The following RBPMS variants were observed in gnomAD, a reference collection of about 807,000 sequenced individuals.
The protein encoded by RBPMS is RNA binding protein, mRNA processing factor, also known as RNA-binding protein with multiple splicing.
Under a neutral mutation model 26.8 loss-of-function variants are expected in RBPMS, and 7 were observed. The observed-to-expected ratio is 0.26, with a 90% confidence interval of 0.15 to 0.49. The LOEUF is 0.49. Ranked by LOEUF, RBPMS falls within the 20% of genes least tolerant of loss-of-function variation. The probability of loss-of-function intolerance (pLI) is 0.98; values close to 1 mark genes in which losing one functional copy is unlikely to be tolerated. For synonymous variants in RBPMS, 96 were observed against 93.3 expected (o/e 1.03, Z -0.17); for missense variants, 186 against 250.0 (o/e 0.74, Z 1.73).
chr8:30,547,654 TTCCTGGAGAGGCCAGG>T (rs1428502049), intron 6 of RBPMS: 163 of 482,598 alleles, frequency 3.4e-4, no homozygotes, highest in African/African-American at 2.9e-3. Context: ...CAGAACGAGC[TTCCTGGAGAGGCCAGG>T]TCCTGGAGCC....
At chr8:30,409,692 G>A (rs1034776116) in intron 1 of RBPMS, among the ~76,000 whole-genome samples, 8 of 152,064 alleles carry the variant, frequency 5.3e-5, no homozygotes, top group Non-Finnish European at 4.4e-5. Flanking sequence ...GAGTGCAGTG[G>A]CGCGATCTCG....
At chr8:30,555,546 TGAGAGAGAGAACTATGGGAGAA>T (rs1435685710) in intron 6 of RBPMS, among the ~76,000 whole-genome samples, 1 of 152,144 alleles carries the variant, frequency 6.6e-6, no homozygotes, top group Non-Finnish European at 1.5e-5. Context: ...TGTGCACATT[TGAGAGAGAGAACTATGGGAGAA>T]GAGAGAGAGG....
chr8:30,554,480 A>G (rs1315392545), intron 6 of RBPMS, among the ~76,000 whole-genome samples: 1 of 152,238 alleles, frequency 6.6e-6, no homozygotes, highest in Admixed American at 6.5e-5. Flanking sequence ...ACACATATCA[A>G]GAAACTGCTG....
intron 1 of RBPMS, among the ~76,000 whole-genome samples, chr8:30,391,641 G>T (rs148187657): frequency 0.01 from 1,534 of 152,252 alleles, 25 homozygotes; most frequent in Admixed American, 0.042. Context: ...GTCATATGGG[G>T]ATAACTCCTC....
chr8:30,387,364 G>A (rs560231913), intron 1 of RBPMS: 1 of 152,170 alleles, frequency 6.6e-6, no homozygotes, highest in South Asian at 2.1e-4. Context: ...TTTATATTTT[G>A]TTCTTGAAAA....
chr8:30,459,494 G>T (rs2150774305), intron 1 of RBPMS, among the ~76,000 whole-genome samples: 1 of 152,250 alleles, frequency 6.6e-6, no homozygotes, highest in African/African-American at 2.4e-5. Flanking sequence ...GTGGTGAAAA[G>T]TGGCTCGATT....
intron 5 of RBPMS, among the ~76,000 whole-genome samples, chr8:30,508,463 G>A (rs2150947663): frequency 6.6e-6 from 1 of 152,286 alleles, no homozygotes; most frequent in Non-Finnish European, 1.5e-5. Flanking sequence ...CAGCTACACA[G>A]CGGCAATAAT....
chr8:30,537,551 A>G, intron 5 of RBPMS: 1 of 455,888 alleles, frequency 2.2e-6, no homozygotes. Context: ...ATATGTCTTT[A>G]CATAGAGAAT....
At chr8:30,428,012 G>T (rs1811538806) in intron 1 of RBPMS, among the ~76,000 whole-genome samples, 1 of 143,030 alleles carries the variant, frequency 7.0e-6, no homozygotes, top group Non-Finnish European at 1.5e-5. Flanking sequence ...AACAAAATGA[G>T]ACCCCATCTT....
intron 1 of RBPMS, among the ~76,000 whole-genome samples, chr8:30,414,283 TG>T (rs891233790): frequency 6.6e-6 from 1 of 152,250 alleles, no homozygotes; most frequent in African/African-American, 2.4e-5. Context: ...CAAATATTTT[TG>T]GTGAGCCTTG....
intron 1 of RBPMS, among the ~76,000 whole-genome samples, chr8:30,449,850 C>T (rs780297541): frequency 9.9e-5 from 15 of 152,178 alleles, no homozygotes; most frequent in Admixed American, 3.3e-4. Context: ...AGTACTTTTC[C>T]ATTATTTTAT....
chr8:30,421,689 G>C (rs1810809575), intron 1 of RBPMS, among the ~76,000 whole-genome samples: 2 of 152,338 alleles, frequency 1.3e-5, no homozygotes, highest in Admixed American at 1.3e-4. Context: ...GGGCATGGTG[G>C]CTCATGCCTG....
At chr8:30,484,618 T>C (rs1329436954) in intron 4 of RBPMS, among the ~76,000 whole-genome samples, 5 of 152,170 alleles carry the variant, frequency 3.3e-5, no homozygotes, top group Non-Finnish European at 5.9e-5. Flanking sequence ...TAAAAATATA[T>C]AAGATATTAA....
chr8:30,450,544 A>G (rs1286764442), intron 1 of RBPMS, among the ~76,000 whole-genome samples: 1 of 152,176 alleles, frequency 6.6e-6, no homozygotes, highest in Admixed American at 6.5e-5. Flanking sequence ...GGTCATGAGC[A>G]AATGGCAACC....
intron 5 of RBPMS, among the ~76,000 whole-genome samples, chr8:30,511,541 GTGTGTGTGTA>G (rs1343233217): frequency 1.6e-5 from 2 of 128,642 alleles, no homozygotes; most frequent in South Asian, 2.5e-4. Flanking sequence ...GTGTGTGTGT[GTGTGTGTGTA>G]TGTATAGATA....
intron 5 of RBPMS, among the ~76,000 whole-genome samples, chr8:30,532,914 T>A (rs1824386854): frequency 6.6e-6 from 1 of 152,128 alleles, no homozygotes; most frequent in African/African-American, 2.4e-5. Context: ...AGGAATTACC[T>A]GTAGATAATC....
chr8:30,511,049 C>T (rs1164280270), intron 5 of RBPMS, among the ~76,000 whole-genome samples: 2 of 152,190 alleles, frequency 1.3e-5, no homozygotes, highest in Non-Finnish European at 2.9e-5. Flanking sequence ...TGGTGGCTCA[C>T]ACCTGTAATC....
chr8:30,534,782 A>AAATGTGCTAAACTGTAAATCATTGGGT (rs1447298330), intron 5 of RBPMS, among the ~76,000 whole-genome samples: 35 of 64 alleles, frequency 0.55, 17 homozygotes, highest in South Asian at 1. Flanking sequence ...CTACTTTGGG[A>AAATGTGCTAAACTGTAAATCATTGGGT]GGCCGAGGCG....
intron 1 of RBPMS, among the ~76,000 whole-genome samples, chr8:30,389,087 T>C (rs1807468371): frequency 1.3e-5 from 2 of 152,214 alleles, no homozygotes; most frequent in African/African-American, 2.4e-5. Context: ...TCATTGAGCA[T>C]TAAAGTCAAT....
Sources: gnomAD v4.1 joint callset for allele counts (sites outside exome capture counted in the v4.1 genomes callset) on GRCh38, gnomAD v4.1.1 for gene constraint, MANE v1.5 for transcripts, NCBI Gene and HGNC (gene_info 2026-07-23, HGNC 2026-07-21) for gene names.